Variants in RPAP2 observed in about 807,000 individuals in gnomAD.
RPAP2 encodes the protein RNA polymerase II associated protein 2.
RPAP2 carries 52 observed loss-of-function variants against 73.1 expected under a neutral mutation model. The observed-to-expected ratio is 0.71, with a 90% CI of 0.57 to 0.90. RPAP2 has a LOEUF of 0.90. Ranked by LOEUF, RPAP2 falls within the 40% of genes least tolerant of loss-of-function variation. RPAP2 has a pLI of 0.00. For synonymous variants in RPAP2, 225 were observed against 242.1 expected (o/e 0.93, Z 0.65); for missense variants, 598 against 701.8 (o/e 0.85, Z 1.67).
At chr1:92,341,691 C>G (rs566830980) in intron 10 of RPAP2, among the ~76,000 whole-genome samples, 111 of 152,316 alleles carry the variant, frequency 7.3e-4, no homozygotes, top group Middle Eastern at 3.4e-3. Flanking sequence ...GTCGTCCAGG[C>G]TGGAGTGCAG....
rs945855846 is a variant in RPAP2, at chr1:92,400,248, G to C, written c.*13237G>C. 6.6e-6 allele frequency: 1 copy of C among 152,264 alleles called. No homozygotes were observed. Among genetic ancestry groups the C allele is most frequent in the Non-Finnish European group, 1.5e-5 (1 of 68,078 alleles). 9.4% of individuals were successfully genotyped at this position (152,264 alleles called of 1,614,324 possible). On this transcript the variant is annotated 3_prime_UTR_variant, in exon 13 of 13. Transcript: ENST00000610020. ...CCCCTTCACCCTGGCTTCCTTTGCA[G>C]AACAAGGGTCACCGCCAGAGGGAAA...
chr1:92,350,430 T>C (rs1226320276), intron 11 of RPAP2, among the ~76,000 whole-genome samples: 1 of 152,214 alleles, frequency 6.6e-6, no homozygotes, highest in Non-Finnish European at 1.5e-5. Context: ...CTCAGATTTA[T>C]TGCTTAAGTA....
At position 92,346,967 on chromosome 1, in the gene RPAP2, CAT is replaced by C. The variant is rs1358701618; in HGVS notation, c.1688+1055_1688+1056del. ...GTCAAAAAGTGTTATGAATCAATCT[CAT>C]AGCCTCTCCAGCCCTGCTTTCTCTT... is the stretch of plus-strand genomic sequence containing the variant. On this transcript the variant is annotated intron_variant, in intron 11 of 12. Coordinates refer to ENST00000610020, the MANE Select transcript of RPAP2 (RefSeq NM_024813.3). Among the ~76,000 whole-genome samples the C allele has an allele frequency of 2.0e-5, 3 of 152,170 alleles. No individual in the cohort carries two copies. In the East Asian group the frequency reaches 5.8e-4, roughly 29 times the overall value.
intron 9 of RPAP2, among the ~76,000 whole-genome samples, chr1:92,333,728 C>A (rs531221740): frequency 6.6e-6 from 1 of 152,214 alleles, no homozygotes; most frequent in Non-Finnish European, 1.5e-5. Flanking sequence ...GACCAAACTA[C>A]CTTACTCCCA....
chr1:92,367,890 G>A (rs990066156), intron 11 of RPAP2, among the ~76,000 whole-genome samples: 3 of 152,122 alleles, frequency 2.0e-5, no homozygotes, highest in Admixed American at 6.5e-5. Context: ...AATTATGAAC[G>A]CTCAGGAAAA....
chr1:92,400,861 T>C lies in RPAP2; in HGVS notation c.*13850T>C, dbSNP rs1656299296. The C allele has an allele frequency of 6.6e-6, 1 of 152,238 alleles. No individual in the cohort carries two copies. Among genetic ancestry groups the C allele is most frequent in the Non-Finnish European group, 1.5e-5 (1 of 68,052 alleles). The allele number at this position is 152,238 out of a possible 1,614,324, so 9.4% of individuals were successfully genotyped here. A position where few individuals can be genotyped will look rare whatever the true frequency, so the allele number is the denominator to read the frequency against. ...CTATTCTTACATTGCTATAAGGAAA[T>C]ACCCCAGACTGGGTAATTTATAAAG... On this transcript the variant is annotated 3_prime_UTR_variant, in exon 13 of 13. Transcript: ENST00000610020.
At chr1:92,309,547 A>G (rs969843245) in intron 6 of RPAP2, among the ~76,000 whole-genome samples, 4 of 42,994 alleles carry the variant, frequency 9.3e-5, no homozygotes, top group Admixed American at 8.8e-4. Flanking sequence ...ACACATACAC[A>G]TACACATACA....
Position 92,325,344 on chromosome 1 carries a change from T to A in RPAP2, c.1455+969T>A, listed in dbSNP as rs140644000. Among the ~76,000 whole-genome samples, 15 of 152,218 alleles carry A rather than the reference T, an allele frequency of 9.9e-5. No homozygotes were observed. In the East Asian group the frequency reaches 2.9e-3, roughly 29 times the overall value. On this transcript the variant is annotated intron_variant, in intron 8 of 12. Coordinates refer to ENST00000610020, the MANE Select transcript of RPAP2 (RefSeq NM_024813.3). Reference sequence around the variant, plus strand: ...TGTAGTAAAAAATTTAGAAATATATTTCTATAGAGTGTTGCTTGGCCCAGC... The same window carrying A: ...TGTAGTAAAAAATTTAGAAATATATATCTATAGAGTGTTGCTTGGCCCAGC...
chr1:92,313,846 C>T (rs1023919789), intron 6 of RPAP2, among the ~76,000 whole-genome samples: 10 of 152,240 alleles, frequency 6.6e-5, no homozygotes, highest in African/African-American at 2.4e-4. Flanking sequence ...GTACCTTCTA[C>T]ATCAGCACTT....
chr1:92,301,497 T>A lies in RPAP2; in HGVS notation c.141T>A (p.Ala47=). ...TTAGGAAAGCTGAACTAGAAGCAGC[T>A]GTGAGAAAGAAGATTGAATTTGAGA... ...ASKRKAELEA[A]VRKKIEFERK... is the part of the protein sequence containing the mutation. The change falls in exon 3 of 13, where the codon GCT becomes GCA. Residue 47 remains alanine (A), a synonymous_variant. Transcript: ENST00000610020. 6.3e-7 allele frequency: 1 copy of A among 1,589,334 alleles called. No homozygotes were observed. Among genetic ancestry groups the A allele is most frequent in the Admixed American group, 1.9e-5 (1 of 53,868 alleles).
chr1:92,355,728 G>A (rs1048899580), intron 11 of RPAP2, among the ~76,000 whole-genome samples: 10 of 152,078 alleles, frequency 6.6e-5, no homozygotes, highest in Admixed American at 2.0e-4. Context: ...TCCAAAATCC[G>A]AAACTTTTTC....
At chr1:92,351,883 T>C (rs578217835) in intron 11 of RPAP2, among the ~76,000 whole-genome samples, 119 of 152,270 alleles carry the variant, frequency 7.8e-4, no homozygotes, top group African/African-American at 2.8e-3. Flanking sequence ...GCCACTACTT[T>C]GTATTCTGAT....
intron 11 of RPAP2, among the ~76,000 whole-genome samples, chr1:92,380,135 G>A (rs185244469): frequency 2.0e-5 from 3 of 147,030 alleles, no homozygotes; most frequent in Non-Finnish European, 3.0e-5. Flanking sequence ...AAAATTAGCC[G>A]GGCGTGGTGG....
intron 11 of RPAP2, among the ~76,000 whole-genome samples, chr1:92,349,455 A>C (rs900844139): frequency 3.9e-5 from 6 of 152,184 alleles, no homozygotes; most frequent in African/African-American, 1.4e-4. Flanking sequence ...CACAAGTCTA[A>C]CTCTTGTTAA....
At position 92,392,485 on chromosome 1, in the gene RPAP2, T is replaced by G. The variant is rs1432092697; in HGVS notation, c.*5474T>G. 2 of 152,198 alleles carry G rather than the reference T, an allele frequency of 1.3e-5. No homozygotes were observed. Among genetic ancestry groups the G allele is most frequent in the East Asian group, 3.8e-4 (2 of 5,200 alleles). 9.4% of individuals were successfully genotyped at this position (152,198 alleles called of 1,614,324 possible). ...TTTGAAGACCAGCACAAGGCAAGGA[T>G]GCCCTCTCTCACCACTCCTATTCAA... On this transcript the variant is annotated 3_prime_UTR_variant, in exon 13 of 13. Coordinates refer to ENST00000610020, the MANE Select transcript of RPAP2 (RefSeq NM_024813.3).
intron 8 of RPAP2, among the ~76,000 whole-genome samples, chr1:92,328,975 C>T (rs1000692522): frequency 2.0e-5 from 3 of 152,182 alleles, no homozygotes; most frequent in African/African-American, 7.2e-5. Flanking sequence ...GGAGTGTCTG[C>T]AAAGGGTCCT....
intron 11 of RPAP2, among the ~76,000 whole-genome samples, chr1:92,367,883 T>G (rs1654990980): frequency 6.6e-6 from 1 of 152,238 alleles, no homozygotes; most frequent in Non-Finnish European, 1.5e-5. Flanking sequence ...GGAAATAAAT[T>G]ATGAACGCTC....
chr1:92,308,115 C>T (rs550031552), intron 6 of RPAP2, among the ~76,000 whole-genome samples: 8 of 151,856 alleles, frequency 5.3e-5, no homozygotes, highest in Non-Finnish European at 7.4e-5. Context: ...TTTTCTGATG[C>T]GTAAGGCGAT....
At chr1:92,385,097 C>A (rs1655810913) in intron 12 of RPAP2, among the ~76,000 whole-genome samples, 1 of 151,366 alleles carries the variant, frequency 6.6e-6, no homozygotes, top group African/African-American at 2.4e-5. Flanking sequence ...TTTCTTGAGC[C>A]CAGGAGGTCG....
Sources: gnomAD v4.1 joint callset for allele counts (sites outside exome capture counted in the v4.1 genomes callset) on GRCh38, gnomAD v4.1.1 for gene constraint, MANE v1.5 for transcripts, NCBI Gene and HGNC (gene_info 2026-07-23, HGNC 2026-07-21) for gene names.